Variants in CCDC85A observed in about 807,000 individuals in gnomAD.
CCDC85A encodes coiled-coil domain containing 85A, also known as coiled-coil domain-containing protein 85A.
A neutral mutation model predicts 50.2 loss-of-function variants in CCDC85A; 38 were observed. That is an observed-to-expected ratio of 0.76 (90% CI 0.58 to 0.99). The LOEUF is 0.99. CCDC85A is among the 50% of genes least tolerant of loss of function. The pLI, the probability that CCDC85A is intolerant of heterozygous loss-of-function variation, is 0.00. For synonymous variants in CCDC85A, 366 were observed against 301.4 expected, an observed-to-expected ratio of 1.21 and a Z score of -2.22; for missense variants, 820 against 742.0, an observed-to-expected ratio of 1.11 and a Z score of -1.22.
chr2:56,361,478 A>C (rs1387889127), intron 3 of CCDC85A, among the ~76,000 whole-genome samples: 1 of 152,220 alleles, frequency 6.6e-6, no homozygotes, highest in Non-Finnish European at 1.5e-5. Context: ...ATAAATATGT[A>C]ATACATTACC....
chr2:56,348,056 A>C (rs368328090), intron 3 of CCDC85A, among the ~76,000 whole-genome samples: 9 of 152,348 alleles, frequency 5.9e-5, no homozygotes, highest in African/African-American at 2.2e-4. Flanking sequence ...TTATTAAACT[A>C]TTCTCACCTA....
intron 2 of CCDC85A, among the ~76,000 whole-genome samples, chr2:56,289,615 G>A (rs1316987307): frequency 6.6e-6 from 1 of 152,074 alleles, no homozygotes; most frequent in African/African-American, 2.4e-5. Context: ...GATTGTGAGA[G>A]GTGAGGCGGA....
At chr2:56,343,871 A>T (rs1007931418) in intron 3 of CCDC85A, among the ~76,000 whole-genome samples, 4 of 152,174 alleles carry the variant, frequency 2.6e-5, no homozygotes, top group African/African-American at 9.7e-5. Context: ...ATTTCAGGAG[A>T]AGAAATTTGA....
At chr2:56,329,052 T>A (rs1399508055) in intron 2 of CCDC85A, among the ~76,000 whole-genome samples, 2 of 152,206 alleles carry the variant, frequency 1.3e-5, no homozygotes, top group Non-Finnish European at 2.9e-5. Context: ...ACTGATGCCC[T>A]GGGACTTGTC....
chr2:56,342,750 T>G, intron 2 of CCDC85A, 129 bp from the exon 3 acceptor site: 2 of 528,458 alleles, frequency 3.8e-6, no homozygotes, highest in Non-Finnish European at 6.7e-6. Flanking sequence ...GGAGATATTT[T>G]TTTTTCTCAT....
intron 3 of CCDC85A, among the ~76,000 whole-genome samples, chr2:56,367,712 C>G (rs1226358758): frequency 1.3e-5 from 2 of 152,090 alleles, no homozygotes; most frequent in Non-Finnish European, 2.9e-5. Flanking sequence ...ACCCCCGCCC[C>G]CAATGAGAAC....
chr2:56,215,423 G>A (rs558476685), intron 2 of CCDC85A, among the ~76,000 whole-genome samples: 1 of 151,824 alleles, frequency 6.6e-6, no homozygotes, highest in East Asian at 1.9e-4. Context: ...CTTTAAATAC[G>A]GGATTGAAAA....
chr2:56,271,091 G>C (rs142413027), intron 2 of CCDC85A, among the ~76,000 whole-genome samples: 6 of 152,278 alleles, frequency 3.9e-5, no homozygotes, highest in African/African-American at 1.4e-4. Flanking sequence ...AACTGCAACT[G>C]AACCCAGATC....
At chr2:56,301,066 A>T (rs1306339868) in intron 2 of CCDC85A, among the ~76,000 whole-genome samples, 1 of 152,228 alleles carries the variant, frequency 6.6e-6, no homozygotes, top group Non-Finnish European at 1.5e-5. Context: ...GCTGCAAATA[A>T]AATAAATTTG....
chr2:56,244,446 G>A (rs761493176), intron 2 of CCDC85A, among the ~76,000 whole-genome samples: 4 of 151,994 alleles, frequency 2.6e-5, no homozygotes, highest in South Asian at 2.1e-4. Context: ...CTAGGCCTGG[G>A]ACTCTCCTTT....
intron 2 of CCDC85A, among the ~76,000 whole-genome samples, chr2:56,318,086 CAG>C (rs1397038758): frequency 6.6e-6 from 1 of 152,138 alleles, no homozygotes; most frequent in African/African-American, 2.4e-5. Context: ...TCACTTCCTA[CAG>C]AGACTTAATA....
chr2:56,325,487 T>G (rs1673421145), intron 2 of CCDC85A, among the ~76,000 whole-genome samples: 1 of 152,126 alleles, frequency 6.6e-6, no homozygotes, highest in South Asian at 2.1e-4. Context: ...TGATGACTTC[T>G]GTAGGTGACA....
In CCDC85A at chr2:56,184,105, G is replaced by C. The variant is rs1675879975; in HGVS notation, c.-520G>C. 3.1e-6 allele frequency: 3 copies of C among 975,408 alleles called. No homozygotes were observed. The highest frequency in any genetic ancestry group is 3.7e-6 in the Non-Finnish European group (3 of 820,864). 60.4% of individuals were successfully genotyped at this position (975,408 alleles called of 1,614,324 possible). Reference sequence around the variant, plus strand: ...GCCTTCGGGCAGCCGCGGCGGCGTCGCTAGAGCAGCCGGGGAGGCGCCGCG... The same window carrying C: ...GCCTTCGGGCAGCCGCGGCGGCGTCCCTAGAGCAGCCGGGGAGGCGCCGCG... On this transcript the variant is annotated 5_prime_UTR_variant, in exon 1 of 6. Coordinates refer to ENST00000407595, the MANE Select transcript of CCDC85A (RefSeq NM_001080433.2).
intron 2 of CCDC85A, among the ~76,000 whole-genome samples, chr2:56,222,664 G>C (rs1668376963): frequency 6.6e-6 from 1 of 152,070 alleles, no homozygotes; most frequent in African/African-American, 2.4e-5. Flanking sequence ...GAATATTCAT[G>C]GGCATATCAG....
intron 2 of CCDC85A, among the ~76,000 whole-genome samples, chr2:56,202,449 TG>T (rs759000972): frequency 6.6e-6 from 1 of 152,238 alleles, no homozygotes; most frequent in Non-Finnish European, 1.5e-5. Flanking sequence ...GAAGATGGTC[TG>T]ACCTTAGTCT....
At chr2:56,374,546 T>C (rs2104395595) in intron 4 of CCDC85A, among the ~76,000 whole-genome samples, 1 of 152,330 alleles carries the variant, frequency 6.6e-6, no homozygotes, top group East Asian at 1.9e-4. Context: ...GGATTGCTCA[T>C]GCCTGTAATC....
At chr2:56,363,865 G>A (rs368090762) in intron 3 of CCDC85A, among the ~76,000 whole-genome samples, 1 of 152,086 alleles carries the variant, frequency 6.6e-6, no homozygotes, top group African/African-American at 2.4e-5. Flanking sequence ...ATGCCCTTAC[G>A]CTCCGTGTCC....
rs1676772950 is a variant in CCDC85A at position 56,385,271 on chromosome 2, A to G, written c.*916A>G. On this transcript the variant is annotated 3_prime_UTR_variant, in exon 6 of 6. Transcript: ENST00000407595. ...ATAAACTTTATGTAAACTTTAAAAT[A>G]TTGCACTGCATTTATGAAAAAAGCT... The G allele has an allele frequency of 6.6e-6, 1 of 152,284 alleles. No homozygotes were observed. Among genetic ancestry groups the G allele is most frequent in the Non-Finnish European group, 1.5e-5 (1 of 67,834 alleles). 9.4% of individuals were successfully genotyped at this position (152,284 alleles called of 1,614,324 possible).
rs1187609279 is a variant in CCDC85A at position 56,184,809 on chromosome 2, A to G, written c.185A>G (p.Glu62Gly). The change falls in exon 1 of 6, where the codon GAG becomes GGG. Residue 62 changes from glutamate (E) to glycine (G), a missense_variant. Transcript: ENST00000407595. ...CGCAGCCTGCGGCGCGCCGAGGCGGAGAAGGTGAGCGCGATGCTGGACCAC... is the reference window on the plus strand; with the variant it reads ...CGCAGCCTGCGGCGCGCCGAGGCGGGGAAGGTGAGCGCGATGCTGGACCAC... ...LIRSLRRAEAEKVSAMLDHSN... is the reference protein window; with the variant it reads ...LIRSLRRAEAGKVSAMLDHSN... 1.9e-6 allele frequency: 3 copies of G among 1,545,976 alleles called. No individual in the cohort carries two copies. The highest frequency in any genetic ancestry group is 2.0e-4 in the Middle Eastern group (1 of 5,000).
Sources: gnomAD v4.1 joint callset for allele counts (sites outside exome capture counted in the v4.1 genomes callset) on GRCh38, gnomAD v4.1.1 for gene constraint, MANE v1.5 for transcripts, NCBI Gene and HGNC (gene_info 2026-07-23, HGNC 2026-07-21) for gene names.